Variants in GPN1 observed in about 807,000 individuals in gnomAD.
GPN1 encodes GPN-loop GTPase 1.
In GPN1, 44 loss-of-function variants were observed where a neutral mutation model predicts 55.9. The ratio of observed to expected loss-of-function variants is 0.79; its 90% CI spans 0.62 to 1.01. The LOEUF is 1.01. Among genes scored for constraint, GPN1 ranks in the 50% least tolerant of loss-of-function variants. The probability of loss-of-function intolerance (pLI) is 0.00; values close to 1 mark genes in which losing one functional copy is unlikely to be tolerated. For missense variants in GPN1, 466 were observed against 462.8 expected (o/e 1.01, Z -0.06); for synonymous variants, 179 against 162.5 (o/e 1.10, Z -0.77).
intron 12 of GPN1, among the ~76,000 whole-genome samples, chr2:27,646,975 T>C (rs994025305): frequency 3.3e-5 from 5 of 152,234 alleles, no homozygotes; most frequent in African/African-American, 1.2e-4. Context: ...CTGCAAAGGG[T>C]CTGCTGTAGT....
chr2:27,649,802 A>T (rs1425765305), intron 13 of GPN1, among the ~76,000 whole-genome samples: 1 of 152,206 alleles, frequency 6.6e-6, no homozygotes, highest in Admixed American at 6.5e-5. Context: ...TTTAGCTATT[A>T]TGAGTAAAGC....
In GPN1 at chr2:27,640,960, CAAAT is replaced by C. The variant is rs141869479; in HGVS notation, c.801-279_801-276del. Among the ~76,000 whole-genome samples, 593 of 152,290 alleles carry C rather than the reference CAAAT, an allele frequency of 3.9e-3. 2 individuals are homozygous for C. The highest frequency in any genetic ancestry group is 0.014 in the African/African-American group (573 of 41,564). The stretch of plus-strand genomic sequence containing the variant: ...TTTTACTTATCTCACCCTTTTATCT[CAAAT>C]GAATGGTGAGTTCATCAGTCATGTT... On this transcript the variant is annotated intron_variant, in intron 10 of 13. Coordinates refer to ENST00000610189, the MANE Select transcript of GPN1 (RefSeq NM_007266.4).
intron 12 of GPN1, among the ~76,000 whole-genome samples, chr2:27,647,326 G>A (rs976625818): frequency 1.3e-5 from 2 of 152,202 alleles, no homozygotes; most frequent in African/African-American, 4.8e-5. Flanking sequence ...TTCTATTAGT[G>A]TATTTGATTT....
intron 4 of GPN1, among the ~76,000 whole-genome samples, chr2:27,632,402 C>T (rs577577419): frequency 1.3e-5 from 2 of 152,336 alleles, no homozygotes; most frequent in African/African-American, 4.8e-5. Flanking sequence ...AAGTCTTCAG[C>T]TTCTCAGATC....
At position 27,650,676 on chromosome 2, in the gene GPN1, A is replaced by T. The variant is rs1324335984; in HGVS notation, c.*476A>T. The T allele has an allele frequency of 6.5e-6, 1 of 153,814 alleles. No homozygotes were observed. The highest frequency in any genetic ancestry group is 2.4e-5 in the African/African-American group (1 of 41,462). 9.5% of individuals were successfully genotyped at this position (153,814 alleles called of 1,614,324 possible). A position where few individuals can be genotyped will look rare whatever the true frequency, so the allele number is the denominator to read the frequency against. ...GGAAAAGGGAAACATGAGCTTATCC[A>T]GAACGGTGGCAGAGTCTCCTTGGCA... On this transcript the variant is annotated 3_prime_UTR_variant, in exon 14 of 14. Coordinates refer to ENST00000610189, the MANE Select transcript of GPN1 (RefSeq NM_007266.4).
At chr2:27,646,967 G>A (rs1481025254) in intron 12 of GPN1, among the ~76,000 whole-genome samples, 1 of 152,214 alleles carries the variant, frequency 6.6e-6, no homozygotes. Context: ...AACTACTGCT[G>A]CAAAGGGTCT....
At chr2:27,631,694 T>G (rs2148063768) in intron 3 of GPN1, 140 bp from the exon 4 acceptor site, 1 of 675,866 alleles carries the variant, frequency 1.5e-6, no homozygotes, top group East Asian at 2.6e-5. Context: ...TGGTTAAGTT[T>G]GTATGGTAGT....
At chr2:27,637,310 C>T (rs114308921) in intron 7 of GPN1, among the ~76,000 whole-genome samples, 1,654 of 152,172 alleles carry the variant, frequency 0.011, 20 homozygotes, top group Non-Finnish European at 0.015. Context: ...TCATCCTAAT[C>T]GTCTTCACTT....
chr2:27,642,612 T>C (rs1443662251), intron 12 of GPN1, 93 bp downstream of exon 12: 3 of 797,882 alleles, frequency 3.8e-6, no homozygotes, highest in Non-Finnish European at 6.2e-6. Flanking sequence ...GTTTCACTCT[T>C]GTTGCCCAGG....
At chr2:27,630,219 A>T (rs1347626153) in intron 2 of GPN1, among the ~76,000 whole-genome samples, 1 of 152,086 alleles carries the variant, frequency 6.6e-6, no homozygotes. Flanking sequence ...CCCGGGTGGC[A>T]GAGGTTGCAG....
intron 12 of GPN1, among the ~76,000 whole-genome samples, chr2:27,646,167 G>T (rs969932665): frequency 6.6e-6 from 1 of 152,140 alleles, no homozygotes; most frequent in African/African-American, 2.4e-5. Flanking sequence ...TCAGCCTCCT[G>T]TGTAGCTGGG....
upstream of GPN1, chr2:27,628,918 G>A: frequency 2.0e-6 from 3 of 1,491,788 alleles, no homozygotes; most frequent in Non-Finnish European, 2.7e-6. Context: ...CCGACGCTAA[G>A]AAGATGCCCT....
At chr2:27,646,240 C>G (rs755354948) in intron 12 of GPN1, among the ~76,000 whole-genome samples, 2 of 152,100 alleles carry the variant, frequency 1.3e-5, no homozygotes, top group Non-Finnish European at 2.9e-5. Context: ...CAGGGTTTTG[C>G]CATGTTGGCC....
Position 27,642,456 on chromosome 2 carries a change from GAAC to G in GPN1, c.872_874del (p.Gln291del). 1 of 1,613,360 alleles carries G rather than the reference GAAC, an allele frequency of 6.2e-7. No homozygotes were observed. The highest frequency in any genetic ancestry group is 8.5e-7 in the Non-Finnish European group (1 of 1,179,330). ...CAACGCAGAGAGCCAACAGCAGAGA[GAAC>G]AACTGGAACGCCTTCGAAAAGATAT... On this transcript the variant is annotated inframe_deletion, in exon 12 of 14. Transcript: ENST00000610189.
rs1193175637 is a variant in GPN1, at chr2:27,638,981, C to T, written c.667C>T (p.Leu223=). Residue 223 remains leucine (L), a synonymous_variant, in exon 9 of 14, where the codon CTG becomes TTG. Transcript: ENST00000610189. ...TCAAGAGACTACATACGTCAGTAAC[C>T]TGACTCGTTCAATGAGCCTGGTGTT... is the stretch of plus-strand genomic sequence containing the variant. ...LNQETTYVSN[L]TRSMSLVLDE... 1.2e-6 allele frequency: 2 copies of T among 1,613,450 alleles called. No individual in the cohort carries two copies. Among genetic ancestry groups the T allele is most frequent in the African/African-American group, 2.7e-5 (2 of 74,890 alleles).
chr2:27,647,787 A>G (rs1180601524), intron 12 of GPN1, 49 bp from the exon 13 acceptor site: 8 of 1,076,854 alleles, frequency 7.4e-6, no homozygotes, highest in African/African-American at 1.5e-5. Context: ...TAGTGATTCA[A>G]GATCACCTTT....
intron 8 of GPN1, 147 bp downstream of exon 8, chr2:27,638,402 G>T (rs908644933): frequency 6.8e-6 from 4 of 589,920 alleles, no homozygotes; most frequent in Non-Finnish European, 9.1e-6. Flanking sequence ...TCGAGAAAAT[G>T]AATCAATCAA....
chr2:27,640,014 T>G, intron 9 of GPN1, 29 bp from the exon 10 acceptor site: 1 of 1,358,478 alleles, frequency 7.4e-7, no homozygotes, highest in African/African-American at 1.4e-5. Context: ...AATGGTTTCT[T>G]TAGTGGCATT....
At chr2:27,628,986 A>C (rs1385001324), upstream of GPN1, 2 of 1,588,802 alleles carry the variant, frequency 1.3e-6, no homozygotes, top group Admixed American at 3.6e-5. Flanking sequence ...TTTCGTTCGC[A>C]GCCCAGAACA....
Sources: allele counts gnomAD v4.1 joint callset (sites outside exome capture counted in the v4.1 genomes callset), GRCh38; gene constraint gnomAD v4.1.1; transcripts MANE v1.5; gene names NCBI Gene and HGNC (gene_info 2026-07-23, HGNC 2026-07-21).